Variants in KLHL25 observed in about 807,000 individuals in gnomAD.
KLHL25 encodes kelch like family member 25.
KLHL25 carries 41 observed loss-of-function variants against 30.0 expected under a neutral mutation model. The observed-to-expected ratio is 1.37, with a 90% CI of 1.07 to 1.78. KLHL25 has a LOEUF of 1.78. Ranked by LOEUF, KLHL25 falls within the 40% of genes most tolerant of loss-of-function variation. The pLI is 0.00. For missense variants in KLHL25, 971 were observed against 824.5 expected (o/e 1.18, Z -2.18); for synonymous variants, 399 against 355.3 (o/e 1.12, Z -1.38).
chr15:85,770,459 C>A (rs556805171), intron 1 of KLHL25: 4 of 529,988 alleles, frequency 7.5e-6, no homozygotes, highest in South Asian at 1.4e-5. Context: ...GGGCTCCAAG[C>A]GGTACTGGCT....
At chr15:85,778,672 G>A (rs2089725790) in intron 1 of KLHL25, among the ~76,000 whole-genome samples, 1 of 152,184 alleles carries the variant, frequency 6.6e-6, no homozygotes, top group African/African-American at 2.4e-5. Context: ...TGGGGAAGGG[G>A]CGGCGTTCAA....
chr15:85,763,263 A>T (rs1339910327), intron 2 of KLHL25: 1 of 152,406 alleles, frequency 6.6e-6, no homozygotes, highest in Admixed American at 6.5e-5. Context: ...GTTCCAGCTC[A>T]GCAATTCCCC....
Position 85,769,580 on chromosome 15 carries a change from A to G in KLHL25, c.231T>C (p.His77=), listed in dbSNP as rs371227078. 1.7e-4 allele frequency: 270 copies of G among 1,613,668 alleles called. 2 individuals carry two copies. The highest frequency in any genetic ancestry group is 3.7e-4 in the Admixed American group (22 of 60,010). The change falls in exon 2 of 3, where the codon CAT becomes CAC. Residue 77 remains histidine (H), a synonymous_variant. Transcript: ENST00000337975. ...TGTCATCCCGGCTCTCCCGAAGGCC[A>G]TGGCTGAACATGGCCTCAAAATAGC... ...SSRYFEAMFS[H]GLRESRDDTV...
chr15:85,776,718 G>A (rs902075871), intron 1 of KLHL25, among the ~76,000 whole-genome samples: 2 of 152,014 alleles, frequency 1.3e-5, no homozygotes, highest in Admixed American at 6.5e-5. Flanking sequence ...GAGGTCAGGA[G>A]ATCGAGACCA....
intron 1 of KLHL25, among the ~76,000 whole-genome samples, chr15:85,782,818 C>T (rs1240031192): frequency 1.3e-5 from 2 of 152,190 alleles, no homozygotes; most frequent in African/African-American, 4.8e-5. Flanking sequence ...AGCCTTTCTT[C>T]TACTGCTGGA....
intron 1 of KLHL25, among the ~76,000 whole-genome samples, chr15:85,783,961 C>T (rs1312049732): frequency 1.3e-5 from 2 of 152,096 alleles, no homozygotes; most frequent in Non-Finnish European, 2.9e-5. Context: ...GTCCTGACCT[C>T]GAGGTACCAT....
intron 1 of KLHL25, among the ~76,000 whole-genome samples, chr15:85,778,577 C>A (rs1400991612): frequency 6.6e-6 from 1 of 152,190 alleles, no homozygotes; most frequent in East Asian, 1.9e-4. Context: ...CCCAAAGCTA[C>A]GCAAGGAGTG....
At chr15:85,773,712 C>T (rs554291007) in intron 1 of KLHL25, among the ~76,000 whole-genome samples, 1 of 152,338 alleles carries the variant, frequency 6.6e-6, no homozygotes, top group South Asian at 2.1e-4. Context: ...AGGAACGAAG[C>T]AGGCCCTTTC....
At chr15:85,772,820 G>C (rs1327633719) in intron 1 of KLHL25, among the ~76,000 whole-genome samples, 2 of 152,248 alleles carry the variant, frequency 1.3e-5, no homozygotes, top group African/African-American at 4.8e-5. Context: ...GCCAAAGTCG[G>C]CACCAAGAAT....
rs753271129 is a variant in KLHL25 at position 85,769,672 on chromosome 15, C to T, written c.139G>A (p.Asp47Asn). ...NTLRKHCMFT[D>N]VTLWAGDRAF... ...CGGTCGCCCGCCCAGAGTGTGACGTCGGTGAACATGCAGTGCTTGCGAAGC... is the reference window on the plus strand; with the variant it reads ...CGGTCGCCCGCCCAGAGTGTGACGTTGGTGAACATGCAGTGCTTGCGAAGC... The change falls in exon 2 of 3, where the codon GAC becomes AAC. Residue 47 changes from aspartate (D) to asparagine (N), a missense_variant. Asp to Asn is a conservative substitution (Grantham distance 23, BLOSUM62 1). Coordinates refer to ENST00000337975, the MANE Select transcript of KLHL25 (RefSeq NM_022480.4). 11 of 1,613,764 alleles carry T rather than the reference C, an allele frequency of 6.8e-6. No individual in the cohort carries two copies. Among genetic ancestry groups the T allele is most frequent in the South Asian group, 2.2e-5 (2 of 91,092 alleles).
intron 1 of KLHL25, among the ~76,000 whole-genome samples, chr15:85,786,123 T>C (rs2089779800): frequency 6.6e-6 from 1 of 152,196 alleles, no homozygotes; most frequent in Non-Finnish European, 1.5e-5. Flanking sequence ...TCCTGCTCAC[T>C]AGCTGCAGAG....
chr15:85,765,740 G>A (rs1014446392), intron 2 of KLHL25, among the ~76,000 whole-genome samples: 14 of 151,088 alleles, frequency 9.3e-5, no homozygotes, highest in African/African-American at 2.2e-4. Flanking sequence ...GCTGAGGAAC[G>A]AGAATTCCTT....
chr15:85,793,560 C>A (rs1396016061), intron 1 of KLHL25, among the ~76,000 whole-genome samples: 1 of 152,162 alleles, frequency 6.6e-6, no homozygotes, highest in East Asian at 1.9e-4. Context: ...GATCAGCACA[C>A]TGAGCATCAG....
chr15:85,790,421 C>T (rs915426766), intron 1 of KLHL25, among the ~76,000 whole-genome samples: 1 of 152,214 alleles, frequency 6.6e-6, no homozygotes, highest in Admixed American at 6.5e-5. Context: ...CCTCTGTACT[C>T]TACTGGCTGT....
chr15:85,786,934 G>T (rs1376212060), intron 1 of KLHL25, among the ~76,000 whole-genome samples: 3 of 152,162 alleles, frequency 2.0e-5, no homozygotes, highest in Non-Finnish European at 4.4e-5. Flanking sequence ...GGCGGGCAGG[G>T]ATTAAAGGGC....
intron 1 of KLHL25, among the ~76,000 whole-genome samples, chr15:85,778,551 G>GGT (rs1347812510): frequency 6.6e-6 from 1 of 152,226 alleles, no homozygotes; most frequent in Non-Finnish European, 1.5e-5. Context: ...TGGGCAGGGA[G>GGT]GTGTTAGGCA....
At chr15:85,794,031 G>T (rs887608882) in intron 1 of KLHL25, among the ~76,000 whole-genome samples, 1 of 152,362 alleles carries the variant, frequency 6.6e-6, no homozygotes, top group African/African-American at 2.4e-5. Context: ...AGCTTCTAAA[G>T]CAACTACGAA....
intron 1 of KLHL25, among the ~76,000 whole-genome samples, chr15:85,773,150 A>G (rs1197253185): frequency 3.3e-5 from 5 of 152,264 alleles, no homozygotes; most frequent in Non-Finnish European, 5.9e-5. Flanking sequence ...CAGGAGGCCC[A>G]GAAAGGCAGG....
chr15:85,776,419 G>T (rs2089709538), intron 1 of KLHL25, among the ~76,000 whole-genome samples: 1 of 147,458 alleles, frequency 6.8e-6, no homozygotes, highest in Non-Finnish European at 1.5e-5. Context: ...AACCTGGGAG[G>T]TGAAGGTTGC....
Sources: allele counts gnomAD v4.1 joint callset (sites outside exome capture counted in the v4.1 genomes callset), GRCh38; gene constraint gnomAD v4.1.1; transcripts MANE v1.5; gene names NCBI Gene and HGNC (gene_info 2026-07-23, HGNC 2026-07-21).